NPAS2: variants seen among roughly 807,000 people sequenced by gnomAD.
The protein encoded by NPAS2 is neuronal PAS domain-containing protein 2.
NPAS2 carries 23 observed loss-of-function variants against 107.5 expected under a neutral mutation model. The ratio of observed to expected loss-of-function variants is 0.21; its 90% CI spans 0.15 to 0.30. The LOEUF (loss-of-function observed/expected upper bound fraction) is 0.30. Ranked by LOEUF, NPAS2 falls within the 10% of genes least tolerant of loss-of-function variation. The probability of loss-of-function intolerance (pLI) is 1.00; values close to 1 mark genes in which losing one functional copy is unlikely to be tolerated. For synonymous variants in NPAS2, 403 were observed against 417.5 expected (o/e 0.97, Z 0.42); for missense variants, 756 against 1,043.3 (o/e 0.72, Z 3.79).
At chr2:100,894,872 C>G (rs889887373) in intron 1 of NPAS2, among the ~76,000 whole-genome samples, 1 of 152,124 alleles carries the variant, frequency 6.6e-6, no homozygotes, top group Admixed American at 6.6e-5. Flanking sequence ...CTCTTATGGC[C>G]GCAGAGTCCT....
At chr2:100,876,962 C>G (rs987638184) in intron 1 of NPAS2, among the ~76,000 whole-genome samples, 1 of 152,164 alleles carries the variant, frequency 6.6e-6, no homozygotes, top group Non-Finnish European at 1.5e-5. Flanking sequence ...TGACAGAAAA[C>G]TGGTAGAAGA....
At chr2:100,886,074 T>A (rs1680679325) in intron 1 of NPAS2, among the ~76,000 whole-genome samples, 1 of 152,230 alleles carries the variant, frequency 6.6e-6, no homozygotes, top group South Asian at 2.1e-4. Context: ...TGTCCAGAAT[T>A]TCAAAATTGC....
At chr2:100,898,784 C>CT (rs1304588827) in intron 1 of NPAS2, among the ~76,000 whole-genome samples, 2 of 74,112 alleles carry the variant, frequency 2.7e-5, no homozygotes, top group African/African-American at 4.4e-5. Context: ...TGTCTTTCAC[C>CT]TAAAAAAAAA....
At chr2:100,876,308 G>A (rs947115083) in intron 1 of NPAS2, among the ~76,000 whole-genome samples, 2 of 152,210 alleles carry the variant, frequency 1.3e-5, no homozygotes, top group South Asian at 2.1e-4. Flanking sequence ...GGGCCAGAAC[G>A]CATTGCGTGG....
At chr2:100,828,170 T>TA (rs1360179051) in intron 1 of NPAS2, among the ~76,000 whole-genome samples, 3 of 152,252 alleles carry the variant, frequency 2.0e-5, no homozygotes, top group Non-Finnish European at 4.4e-5. Flanking sequence ...TGATTAGTGA[T>TA]ATGGAGCATT....
intron 1 of NPAS2, among the ~76,000 whole-genome samples, chr2:100,898,762 T>G (rs1681583525): frequency 6.9e-6 from 1 of 144,856 alleles, no homozygotes; most frequent in African/African-American, 2.6e-5. Context: ...GATCTACCAC[T>G]TTAAATTTAG....
intron 15 of NPAS2, 141 bp downstream of exon 15, chr2:100,977,940 T>C: frequency 1.4e-6 from 1 of 698,348 alleles, no homozygotes; most frequent in East Asian, 2.7e-5. Flanking sequence ...GTGGCCTGTG[T>C]CGAGCCATGA....
At chr2:100,924,913 C>G (rs889036321) in intron 2 of NPAS2, among the ~76,000 whole-genome samples, 8 of 152,216 alleles carry the variant, frequency 5.3e-5, no homozygotes, top group Non-Finnish European at 1.0e-4. Flanking sequence ...GATTTTGCGT[C>G]TGAGTCAGAA....
At chr2:100,969,878 T>C (rs1676439297) in intron 11 of NPAS2, among the ~76,000 whole-genome samples, 1 of 152,116 alleles carries the variant, frequency 6.6e-6, no homozygotes, top group African/African-American at 2.4e-5. Flanking sequence ...AAATACAGTG[T>C]TCCAATCTTA....
chr2:100,849,490 T>C (rs1678008351), intron 1 of NPAS2, among the ~76,000 whole-genome samples: 1 of 152,126 alleles, frequency 6.6e-6, no homozygotes, highest in South Asian at 2.1e-4. Flanking sequence ...AGGTTCTTCA[T>C]AGGGTCAGAA....
At chr2:100,857,849 C>A (rs1168898146) in intron 1 of NPAS2, among the ~76,000 whole-genome samples, 1 of 152,260 alleles carries the variant, frequency 6.6e-6, no homozygotes, top group Non-Finnish European at 1.5e-5. Context: ...TGATCTGTAA[C>A]ACTTGGTCTC....
intron 1 of NPAS2, among the ~76,000 whole-genome samples, chr2:100,869,930 A>C (rs13419878): frequency 0.082 from 9,422 of 114,912 alleles, 528 homozygotes; most frequent in African/African-American, 0.19. Flanking sequence ...TTTGAGATGG[A>C]GTCTCGCTCT....
In NPAS2 at chr2:100,995,651, G is replaced by A. The variant is rs1678409959; in HGVS notation, c.*69G>A. On this transcript the variant is annotated 3_prime_UTR_variant, in exon 21 of 21. Coordinates refer to ENST00000335681, the MANE Select transcript of NPAS2 (RefSeq NM_002518.4). The stretch of plus-strand genomic sequence containing the variant: ...GATGAGGGGGGTGGCCACAGGAGAT[G>A]GGGAGAGGAGTCTGAACTAAACCCC... 4 of 1,559,810 alleles carry A rather than the reference G, an allele frequency of 2.6e-6. No homozygotes were observed. Among genetic ancestry groups the A allele is most frequent in the Non-Finnish European group, 3.5e-6 (4 of 1,152,428 alleles).
rs558888568 is a variant in NPAS2 at position 100,979,627 on chromosome 2, C to T, written c.1482+1828C>T. Among the ~76,000 whole-genome samples the T allele has an allele frequency of 7.5e-3, 1,133 of 150,842 alleles. 22 individuals carry two copies. The highest frequency in any genetic ancestry group is 0.026 in the African/African-American group (1,085 of 41,026). ...CTCCTGGGTTCCAGCGATTCTTCTG[C>T]CTCAGCCTCCCAAGTAGCTGGGATT... On this transcript the variant is annotated intron_variant, in intron 15 of 20. Transcript: ENST00000335681.
At chr2:100,829,912 T>C (rs1438451046) in intron 1 of NPAS2, among the ~76,000 whole-genome samples, 2 of 152,076 alleles carry the variant, frequency 1.3e-5, no homozygotes, top group East Asian at 3.9e-4. Flanking sequence ...CACTCCTAAG[T>C]GATAGTGCAT....
At chr2:100,951,766 C>T (rs1558903999) in intron 7 of NPAS2, among the ~76,000 whole-genome samples, 1 of 152,122 alleles carries the variant, frequency 6.6e-6, no homozygotes, top group Non-Finnish European at 1.5e-5. Flanking sequence ...GATGGTTGCA[C>T]AGCAGTGTGA....
intron 1 of NPAS2, among the ~76,000 whole-genome samples, chr2:100,842,081 G>GTGCGCGCACACACACACACA: frequency 6.7e-6 from 1 of 148,902 alleles, no homozygotes; most frequent in African/African-American, 2.5e-5. Context: ...GCATGTACGC[G>GTGCGCGCACACACACACACA]CACACACACA....
chr2:100,976,771 A>G lies in NPAS2; in HGVS notation c.1393-939A>G, dbSNP rs1457663095. 6.6e-6 allele frequency: 1 copy of G among 151,748 alleles called. No homozygotes were observed. The highest frequency in any genetic ancestry group is 1.5e-5 in the Non-Finnish European group (1 of 68,006). The allele number at this position is 151,748 out of a possible 1,614,324, so 9.4% of individuals were successfully genotyped here. A position where few individuals can be genotyped will look rare whatever the true frequency, so the allele number is the denominator to read the frequency against. ...CAAGCTGTGCCTGCCATTCTTCCAG[A>G]CTCTCCTGTCCAGTGTGACTCACTT... On this transcript the variant is annotated intron_variant, in intron 14 of 20. Transcript: ENST00000335681. This position sits in a 1 kb window ranked among gnomAD's most constrained non-coding sequence, Gnocchi z 4.1.
At chr2:100,918,172 GA>G (rs1300004005) in intron 2 of NPAS2, among the ~76,000 whole-genome samples, 2 of 151,666 alleles carry the variant, frequency 1.3e-5, no homozygotes, top group African/African-American at 4.8e-5. Flanking sequence ...AGTTACAAAA[GA>G]AAAACCACAT....
Sources: allele counts gnomAD v4.1 joint callset (sites outside exome capture counted in the v4.1 genomes callset), GRCh38; gene constraint gnomAD v4.1.1; non-coding constraint Gnocchi (gnomAD v3.1); transcripts MANE v1.5; gene names NCBI Gene and HGNC (gene_info 2026-07-23, HGNC 2026-07-21).